NELL1: variants seen among roughly 807,000 people sequenced by gnomAD.
NELL1 encodes protein kinase C-binding protein NELL1.
Under a neutral mutation model 107.4 loss-of-function variants are expected in NELL1, and 76 were observed. The ratio of observed to expected loss-of-function variants is 0.71; its 90% CI spans 0.59 to 0.86. NELL1 has a LOEUF of 0.86. Ranked by LOEUF, NELL1 falls within the 40% of genes least tolerant of loss-of-function variation. The pLI, the probability that NELL1 is intolerant of heterozygous loss-of-function variation, is 0.00. For synonymous variants in NELL1, 353 were observed against 341.2 expected (o/e 1.03, Z -0.38); for missense variants, 1,024 against 1,005.5 (o/e 1.02, Z -0.25).
At chr11:20,838,555 C>T (rs928900368) in intron 3 of NELL1, among the ~76,000 whole-genome samples, 69 of 151,918 alleles carry the variant, frequency 4.5e-4, no homozygotes, top group African/African-American at 1.5e-3. Context: ...ATACATGGGA[C>T]GCCAACACTA....
intron 11 of NELL1, among the ~76,000 whole-genome samples, chr11:20,959,813 T>G (rs796542447): frequency 5.9e-5 from 9 of 152,310 alleles, no homozygotes; most frequent in African/African-American, 2.2e-4. Context: ...CCTATGGATA[T>G]GAAATATTTT....
chr11:21,240,715 C>A (rs1266441805), intron 14 of NELL1, among the ~76,000 whole-genome samples: 1 of 130,574 alleles, frequency 7.7e-6, no homozygotes, highest in Non-Finnish European at 1.5e-5. Flanking sequence ...TGCACCTTGA[C>A]GTAGTCTTGT....
chr11:20,906,316 A>C (rs1849997111), intron 5 of NELL1, among the ~76,000 whole-genome samples: 1 of 152,138 alleles, frequency 6.6e-6, no homozygotes, highest in Admixed American at 6.6e-5. Flanking sequence ...AGAAAATCTG[A>C]AGAGACTTAT....
intron 14 of NELL1, among the ~76,000 whole-genome samples, chr11:21,231,418 A>T (rs1237999291): frequency 6.6e-6 from 1 of 152,196 alleles, no homozygotes; most frequent in Non-Finnish European, 1.5e-5. Flanking sequence ...TGAAGCAAAT[A>T]AACTAGTGCT....
chr11:20,990,151 T>G (rs1851941143), intron 12 of NELL1, among the ~76,000 whole-genome samples: 1 of 152,218 alleles, frequency 6.6e-6, no homozygotes, highest in Non-Finnish European at 1.5e-5. Flanking sequence ...AGTTTTGCCT[T>G]GCCTTGGGCC....
chr11:20,688,646 C>T (rs1195645718), intron 2 of NELL1, among the ~76,000 whole-genome samples: 1 of 152,050 alleles, frequency 6.6e-6, no homozygotes, highest in Non-Finnish European at 1.5e-5. Context: ...TTAATGGCCA[C>T]CTAGATTGAT....
chr11:21,102,053 A>G (rs1392468770), intron 12 of NELL1, among the ~76,000 whole-genome samples: 1 of 152,156 alleles, frequency 6.6e-6, no homozygotes, highest in African/African-American at 2.4e-5. Flanking sequence ...GGGTTTCACC[A>G]TGTTGTCCAG....
At chr11:20,998,737 T>A (rs1215831590) in intron 12 of NELL1, among the ~76,000 whole-genome samples, 1 of 152,190 alleles carries the variant, frequency 6.6e-6, no homozygotes, top group Non-Finnish European at 1.5e-5. Flanking sequence ...CTCCACAGTT[T>A]AATGAGTGAG....
chr11:20,849,398 T>G (rs549064022), intron 4 of NELL1, among the ~76,000 whole-genome samples: 7 of 152,318 alleles, frequency 4.6e-5, no homozygotes, highest in East Asian at 1.9e-4. Context: ...TTGTGGTGGT[T>G]GTTGTTATTT....
chr11:21,034,223 C>T (rs1853032573), intron 12 of NELL1, among the ~76,000 whole-genome samples: 1 of 152,098 alleles, frequency 6.6e-6, no homozygotes, highest in Non-Finnish European at 1.5e-5. Flanking sequence ...CATTCTTCTG[C>T]CCATGGCTTC....
intron 4 of NELL1, among the ~76,000 whole-genome samples, chr11:20,885,113 G>A (rs1849481235): frequency 6.6e-6 from 1 of 152,192 alleles, no homozygotes; most frequent in Non-Finnish European, 1.5e-5. Flanking sequence ...ACTCATTTAT[G>A]ATTCCTAAAT....
chr11:20,930,694 G>A (rs953963799), intron 9 of NELL1, among the ~76,000 whole-genome samples: 7 of 151,800 alleles, frequency 4.6e-5, no homozygotes, highest in Non-Finnish European at 8.8e-5. Context: ...TGTGTGGGAC[G>A]GTCATTTTTC....
intron 12 of NELL1, among the ~76,000 whole-genome samples, chr11:20,967,736 T>G (rs1222922188): frequency 6.6e-6 from 1 of 152,188 alleles, no homozygotes; most frequent in African/African-American, 2.4e-5. Context: ...TTGCCCACCA[T>G]AGTCCATCTT....
At chr11:20,967,336 T>C (rs1419020050) in intron 12 of NELL1, among the ~76,000 whole-genome samples, 1 of 143,750 alleles carries the variant, frequency 7.0e-6, no homozygotes, top group Non-Finnish European at 1.5e-5. Flanking sequence ...TTAGGTAACT[T>C]TTTTTTTTTA....
At chr11:21,498,332 A>T (rs897162678) in intron 15 of NELL1, among the ~76,000 whole-genome samples, 2 of 95,664 alleles carry the variant, frequency 2.1e-5, no homozygotes, top group Non-Finnish European at 4.9e-5. Flanking sequence ...CCATAAACAT[A>T]TTATATATAT....
rs114877735 is a variant in NELL1 at position 20,730,270 on chromosome 11, C to T, written c.184+52210C>T. On this transcript the variant is annotated intron_variant, in intron 2 of 19. Coordinates refer to ENST00000357134, the MANE Select transcript of NELL1 (RefSeq NM_006157.5). ...AACAGTATTGTGCTTGTCTAAGAGA[C>T]ACCTGTTGTATCTTAGAGATCTTAA... Among the ~76,000 whole-genome samples the T allele has an allele frequency of 3.1e-3, 471 of 152,252 alleles. 1 individual carries two copies. The highest frequency in any genetic ancestry group is 0.011 in the African/African-American group (452 of 41,528).
At chr11:20,680,451 CA>C (rs1351090249) in intron 2 of NELL1, among the ~76,000 whole-genome samples, 3 of 152,044 alleles carry the variant, frequency 2.0e-5, no homozygotes, top group African/African-American at 7.2e-5. Context: ...ATGGGTGAGA[CA>C]GTGGGTATAA....
intron 15 of NELL1, among the ~76,000 whole-genome samples, chr11:21,453,574 A>C (rs1371706159): frequency 6.7e-6 from 1 of 149,120 alleles, no homozygotes. Flanking sequence ...TTTTTCTTTT[A>C]TTCCATCTCA....
chr11:20,926,375 A>AC (rs1850497015), intron 7 of NELL1, among the ~76,000 whole-genome samples: 1 of 152,182 alleles, frequency 6.6e-6, no homozygotes, highest in African/African-American at 2.4e-5. Context: ...GGTCAAGACG[A>AC]CAGGATAACC....
Sources: allele counts gnomAD v4.1 joint callset (sites outside exome capture counted in the v4.1 genomes callset), GRCh38; gene constraint gnomAD v4.1.1; transcripts MANE v1.5; gene names NCBI Gene and HGNC (gene_info 2026-07-23, HGNC 2026-07-21).